TRAF3: variants seen among roughly 807,000 people sequenced by gnomAD.
The protein encoded by TRAF3 is TNF receptor-associated factor 3.
In TRAF3, 13 loss-of-function variants were observed where a neutral mutation model predicts 62.3. The observed-to-expected ratio is 0.21, with a 90% confidence interval of 0.14 to 0.33. The LOEUF (loss-of-function observed/expected upper bound fraction) is 0.33, where lower values mean the gene tolerates loss of function less well. TRAF3 is among the 10% of genes least tolerant of loss of function. The pLI is 1.00. For synonymous variants in TRAF3, 269 were observed against 283.4 expected (o/e 0.95, Z 0.51); for missense variants, 440 against 741.8 (o/e 0.59, Z 4.73).
At position 102,839,210 on chromosome 14, in the gene TRAF3, CTTTTTTT is replaced by C. The variant is rs56998347; in HGVS notation, c.-18+8760_-18+8766del. ...GAGAGATGCTTATTGGTTGATTTGC[CTTTTTTT>C]TTTTTTTTTTTTTTTTTTTTTGAAA... On this transcript the variant is annotated intron_variant, in intron 2 of 11. Coordinates refer to ENST00000392745, the MANE Select transcript of TRAF3 (RefSeq NM_145725.3). Among the ~76,000 whole-genome samples the C allele has an allele frequency of 7.8e-3, 703 of 89,804 alleles. 6 individuals are homozygous for C. The highest frequency in any genetic ancestry group is 0.025 in the African/African-American group (564 of 22,572). The allele number at this position is 89,804 out of a possible 152,430, so 58.9% of individuals were successfully genotyped here. A position where few individuals can be genotyped will look rare whatever the true frequency, so the allele number is the denominator to read the frequency against.
chr14:102,862,401 CAAA>C (rs34141177), intron 2 of TRAF3, among the ~76,000 whole-genome samples: 31 of 107,876 alleles, frequency 2.9e-4, no homozygotes, highest in Admixed American at 3.7e-4. Flanking sequence ...ATCCCTTCTC[CAAA>C]AAAAAAAAAA....
rs191743767 is a variant in TRAF3, at chr14:102,838,626, T to G, written c.-18+8154T>G. ...CTTGAATGGAGTCTTGCAGATGAAGTGTTTGACAGGCAGTGGAAGAACAAA... is the reference window on the plus strand; with the variant it reads ...CTTGAATGGAGTCTTGCAGATGAAGGGTTTGACAGGCAGTGGAAGAACAAA... On this transcript the variant is annotated intron_variant, in intron 2 of 11. Coordinates refer to ENST00000392745, the MANE Select transcript of TRAF3 (RefSeq NM_145725.3). Among the ~76,000 whole-genome samples the G allele has an allele frequency of 7.2e-5, 11 of 152,242 alleles. No homozygotes were observed. In the South Asian group the frequency reaches 1.2e-3, roughly 17 times the overall value.
chr14:102,809,529 CTT>C (rs60882875), intron 1 of TRAF3, among the ~76,000 whole-genome samples: 8,676 of 114,700 alleles, frequency 0.076, 669 homozygotes, highest in African/African-American at 0.29. Flanking sequence ...ACAGCATAGA[CTT>C]TTTTTTTTTT....
chr14:102,893,753 T>C (rs919328576), intron 9 of TRAF3, among the ~76,000 whole-genome samples: 5 of 152,130 alleles, frequency 3.3e-5, no homozygotes, highest in Non-Finnish European at 7.4e-5. Context: ...CTCTTGGACG[T>C]TGCCAAAGGA....
chr14:102,887,948 T>A (rs1279227279), intron 7 of TRAF3, among the ~76,000 whole-genome samples: 1 of 152,180 alleles, frequency 6.6e-6, no homozygotes, highest in Non-Finnish European at 1.5e-5. Flanking sequence ...GGGTTTCTGA[T>A]GAAAGGTGCT....
chr14:102,883,327 C>T (rs954471788), intron 6 of TRAF3, among the ~76,000 whole-genome samples: 2 of 152,182 alleles, frequency 1.3e-5, no homozygotes, highest in Non-Finnish European at 2.9e-5. Flanking sequence ...CCAGAAGACT[C>T]CTATGGTAGA....
intron 4 of TRAF3, among the ~76,000 whole-genome samples, chr14:102,874,793 G>T (rs1272688112): frequency 6.6e-6 from 1 of 151,934 alleles, no homozygotes; most frequent in Non-Finnish European, 1.5e-5. Flanking sequence ...TGAGACTGCA[G>T]GCGCATATGC....
At chr14:102,851,910 C>T (rs780201864) in intron 2 of TRAF3, among the ~76,000 whole-genome samples, 6 of 151,576 alleles carry the variant, frequency 4.0e-5, no homozygotes, top group Non-Finnish European at 5.9e-5. Flanking sequence ...GAAAAGTTAG[C>T]GGGGTGTGGT....
At chr14:102,817,126 G>A (rs964893755) in intron 1 of TRAF3, among the ~76,000 whole-genome samples, 1 of 152,132 alleles carries the variant, frequency 6.6e-6, no homozygotes, top group Non-Finnish European at 1.5e-5. Context: ...ATGCCTTTTT[G>A]ATGCTCAAGT....
chr14:102,872,108 C>T (rs1425388395), intron 4 of TRAF3, 140 bp downstream of exon 4: 1 of 858,618 alleles, frequency 1.2e-6, no homozygotes, highest in African/African-American at 1.7e-5. Flanking sequence ...AGGCAGGACA[C>T]TGTGCCATGT....
At chr14:102,782,865 ATTTCT>A (rs147197285) in intron 1 of TRAF3, among the ~76,000 whole-genome samples, 1 of 152,116 alleles carries the variant, frequency 6.6e-6, no homozygotes, top group Non-Finnish European at 1.5e-5. Context: ...TGGAAACTTG[ATTTCT>A]TTAAGTGGAA....
intron 9 of TRAF3, among the ~76,000 whole-genome samples, chr14:102,895,858 C>G (rs1284899529): frequency 6.6e-6 from 1 of 152,166 alleles, no homozygotes; most frequent in Admixed American, 6.5e-5. Flanking sequence ...GTTGCAGGGG[C>G]TCTTCTGCGC....
At chr14:102,835,848 C>T (rs151196814) in intron 2 of TRAF3, among the ~76,000 whole-genome samples, 2 of 152,170 alleles carry the variant, frequency 1.3e-5, no homozygotes, top group African/African-American at 4.8e-5. Flanking sequence ...TACATCAAAC[C>T]CTGGTGACAG....
intron 9 of TRAF3, among the ~76,000 whole-genome samples, chr14:102,892,047 CTTT>C (rs778938323): frequency 2.5e-5 from 3 of 121,412 alleles, no homozygotes; most frequent in Non-Finnish European, 3.6e-5. Flanking sequence ...CCATGCTGTT[CTTT>C]TTTTTTTTTT....
chr14:102,872,025 T>C (rs909025885), intron 4 of TRAF3, 57 bp downstream of exon 4: 8 of 1,573,970 alleles, frequency 5.1e-6, no homozygotes, highest in Admixed American at 1.7e-5. Flanking sequence ...GGTAATACTT[T>C]TCACATAGTT....
intron 2 of TRAF3, among the ~76,000 whole-genome samples, chr14:102,859,661 G>A (rs537645257): frequency 1.6e-4 from 24 of 152,202 alleles, no homozygotes; most frequent in African/African-American, 5.5e-4. Flanking sequence ...GAATTAAAAG[G>A]CATTACGCTT....
chr14:102,837,150 TGG>T (rs35123618), intron 2 of TRAF3, among the ~76,000 whole-genome samples: 2 of 142,898 alleles, frequency 1.4e-5, no homozygotes, highest in Non-Finnish European at 3.0e-5. Flanking sequence ...GTGTTTTTTT[TGG>T]GGGGGGGTGA....
At chr14:102,814,383 C>T (rs1318062567) in intron 1 of TRAF3, among the ~76,000 whole-genome samples, 1 of 152,192 alleles carries the variant, frequency 6.6e-6, no homozygotes, top group East Asian at 1.9e-4. Flanking sequence ...ATACCTCCAG[C>T]TCTGTTCTTC....
intron 1 of TRAF3, among the ~76,000 whole-genome samples, chr14:102,812,906 G>A (rs1350470408): frequency 6.6e-6 from 1 of 151,640 alleles, no homozygotes; most frequent in Non-Finnish European, 1.5e-5. Context: ...GCGAAAGAGC[G>A]AGACTCCGTC....
Sources: allele counts gnomAD v4.1 joint callset (sites outside exome capture counted in the v4.1 genomes callset), GRCh38; gene constraint gnomAD v4.1.1; transcripts MANE v1.5; gene names NCBI Gene and HGNC (gene_info 2026-07-23, HGNC 2026-07-21).